The following KCTD14 variants were observed in gnomAD, a reference collection of about 807,000 sequenced individuals.
The protein encoded by KCTD14 is potassium channel tetramerization domain containing 14, also known as BTB/POZ domain-containing protein KCTD14.
A neutral mutation model predicts 5.9 loss-of-function variants in KCTD14; 7 were observed. The observed-to-expected ratio is 1.19, with a 90% CI of 0.68 to 2.23. The LOEUF (loss-of-function observed/expected upper bound fraction) is 2.23. Ranked by LOEUF, KCTD14 falls within the 30% of genes most tolerant of loss-of-function variation. KCTD14 has a pLI of 0.00. For missense variants in KCTD14, 342 were observed against 332.2 expected, an observed-to-expected ratio of 1.03 and a Z score of -0.23; for synonymous variants, 140 against 133.1, an observed-to-expected ratio of 1.05 and a Z score of -0.36.
chr11:78,023,112 A>C (rs759091101), intron 1 of KCTD14, 48 bp downstream of exon 1: 3 of 1,256,162 alleles, frequency 2.4e-6, no homozygotes, highest in Non-Finnish European at 3.3e-6. Flanking sequence ...AGGCGGAGGG[A>C]AGAGGCGGAG....
intron 2 of KCTD14, among the ~76,000 whole-genome samples, chr11:78,031,596 C>T (rs1857618581): frequency 6.6e-6 from 1 of 151,718 alleles, no homozygotes; most frequent in African/African-American, 2.4e-5. Context: ...CCATGTTGGC[C>T]AGGTTGGTCT....
intron 1 of KCTD14, among the ~76,000 whole-genome samples, chr11:78,019,013 A>G (rs908354626): frequency 2.7e-5 from 4 of 149,072 alleles, no homozygotes; most frequent in Non-Finnish European, 5.9e-5. Flanking sequence ...TTAAAAATGG[A>G]ATTTTTTCTT....
intron 2 of KCTD14, among the ~76,000 whole-genome samples, chr11:78,031,726 T>A (rs932473330): frequency 2.0e-5 from 3 of 152,182 alleles, no homozygotes; most frequent in Non-Finnish European, 2.9e-5. Flanking sequence ...CATATTTGCC[T>A]ACTGTGTGTC....
chr11:78,037,457 T>C (rs1042941284), intron 2 of KCTD14, among the ~76,000 whole-genome samples: 1 of 152,278 alleles, frequency 6.6e-6, no homozygotes, highest in Middle Eastern at 3.4e-3. Context: ...TCCTGAGCCC[T>C]GTGAGTAGGC....
Position 78,016,289 on chromosome 11 carries a change from C to A in KCTD14, c.*304G>T. The A allele has an allele frequency of 2.5e-6, 1 of 407,158 alleles. No individual in the cohort carries two copies. The highest frequency in any genetic ancestry group is 4.5e-6 in the Non-Finnish European group (1 of 224,488). The allele number at this position is 407,158 out of a possible 1,614,324, so 25.2% of individuals were successfully genotyped here. A position where few individuals can be genotyped will look rare whatever the true frequency, so the allele number is the denominator to read the frequency against. On this transcript the variant is annotated 3_prime_UTR_variant, in exon 2 of 2. Transcript: ENST00000353172. Reference sequence around the variant, plus strand: ...CTTGTATGTTCCTGTTGTCATCTCACATCTCTTGCCAACGCATTGTTGAAA... The same window carrying A: ...CTTGTATGTTCCTGTTGTCATCTCAAATCTCTTGCCAACGCATTGTTGAAA...
At chr11:78,040,379 C>T (rs1367884207) in intron 1 of KCTD14, among the ~76,000 whole-genome samples, 3 of 151,814 alleles carry the variant, frequency 2.0e-5, no homozygotes, top group Non-Finnish European at 4.4e-5. Context: ...TCTGTTTCCT[C>T]TTTCTCCCTC....
intron 2 of KCTD14, among the ~76,000 whole-genome samples, chr11:78,031,679 C>T (rs969230434): frequency 6.6e-6 from 1 of 152,176 alleles, no homozygotes; most frequent in African/African-American, 2.4e-5. Flanking sequence ...TGAGCCACAG[C>T]ACCCAGCCCG....
upstream of KCTD14, among the ~76,000 whole-genome samples, chr11:78,024,583 T>C (rs1329944258): frequency 1.3e-5 from 2 of 151,898 alleles, no homozygotes; most frequent in African/African-American, 4.8e-5. Flanking sequence ...ATGTTAAGTT[T>C]CGTTTCTGTC....
At position 78,016,726 on chromosome 11, in the gene KCTD14, T is replaced by G. The variant is rs371557115; in HGVS notation, c.635A>C (p.Asp212Ala). 2.5e-6 allele frequency: 4 copies of G among 1,614,040 alleles called. No homozygotes were observed. The highest frequency in any genetic ancestry group is 3.4e-6 in the Non-Finnish European group (4 of 1,180,032). ...GTCCATCTCCAGGCAGTGCATGAGG[T>G]CGCTGTTGTCTAGGACCGCCTTCCA... ...GPWKAVLDNS[D>A]LMHCLEMDIK... Residue 212 changes from aspartate to alanine, a missense_variant, in exon 2 of 2, where the codon GAC becomes GCC. Asp to Ala is a moderately radical substitution (Grantham distance 126). Transcript: ENST00000353172.
rs11237362 is a variant in KCTD14 at position 78,023,163 on chromosome 11, T to C, written c.87A>G (p.Pro29=). The C allele has an allele frequency of 0.79, 1,248,696 of 1,583,222 alleles. 496,182 individuals are homozygous for C. The highest frequency in any genetic ancestry group is 0.81 in the Non-Finnish European group (942,566 of 1,166,178). The part of the protein sequence containing the change: ...PLPQSPRPRR[P]TMSTVVELNV... Reference sequence around the variant, plus strand: ...ACGCAGCTAGCCTCGCACTTACCGTTGGCCGCCTGGGCCGGGGGGACTGGG... The same window carrying C: ...ACGCAGCTAGCCTCGCACTTACCGTCGGCCGCCTGGGCCGGGGGGACTGGG... Residue 29 remains proline, a synonymous_variant, in exon 1 of 2, where the codon CCA becomes CCG. Transcript: ENST00000353172.
rs1160378197 is a variant in KCTD14 at position 78,016,267 on chromosome 11, G to C, written c.*326C>G. On this transcript the variant is annotated 3_prime_UTR_variant, in exon 2 of 2. Coordinates refer to ENST00000353172, the MANE Select transcript of KCTD14 (RefSeq NM_023930.4). ...AGAACATCTAGATTCACAGTATCTTGTATGTTCCTGTTGTCATCTCACATC... is the reference window on the plus strand; with the variant it reads ...AGAACATCTAGATTCACAGTATCTTCTATGTTCCTGTTGTCATCTCACATC... 2.9e-6 allele frequency: 1 copy of C among 349,526 alleles called. No homozygotes were observed. The highest frequency in any genetic ancestry group is 5.3e-6 in the Non-Finnish European group (1 of 189,420). 21.7% of individuals were successfully genotyped at this position (349,526 alleles called of 1,614,324 possible).
At position 78,015,956 on chromosome 11, in the gene KCTD14, A is replaced by C. The variant is rs1023861329; in HGVS notation, c.*637T>G. On this transcript the variant is annotated 3_prime_UTR_variant, in exon 2 of 2. Coordinates refer to ENST00000353172, the MANE Select transcript of KCTD14 (RefSeq NM_023930.4). ...GGTCTCAAAATTAGAATACATCAAA[A>C]TCACTTGGAGGGTTTGGTAAATCAG... The C allele has an allele frequency of 6.6e-6, 1 of 152,272 alleles. No homozygotes were observed. The highest frequency in any genetic ancestry group is 1.5e-5 in the Non-Finnish European group (1 of 68,088). The allele number at this position is 152,272 out of a possible 1,614,324, so 9.4% of individuals were successfully genotyped here.
chr11:78,036,842 C>T (rs1287420905), intron 2 of KCTD14, among the ~76,000 whole-genome samples: 1 of 152,248 alleles, frequency 6.6e-6, no homozygotes, highest in Non-Finnish European at 1.5e-5. Context: ...GTGGCTGCTA[C>T]ATGCTAGGCC....
chr11:78,027,026 G>T (rs372155644), upstream of KCTD14, among the ~76,000 whole-genome samples: 93 of 152,202 alleles, frequency 6.1e-4, no homozygotes, highest in Middle Eastern at 0.014. Flanking sequence ...TTGAACCTGG[G>T]AGGTGGAGGT....
At chr11:78,037,622 C>A (rs1456563109) in intron 2 of KCTD14, among the ~76,000 whole-genome samples, 1 of 152,168 alleles carries the variant, frequency 6.6e-6, no homozygotes. Context: ...TGCCTCCAGC[C>A]AGCCTGGCCA....
intron 1 of KCTD14, among the ~76,000 whole-genome samples, chr11:78,043,349 T>C (rs1374518415): frequency 6.6e-6 from 1 of 152,222 alleles, no homozygotes; most frequent in East Asian, 1.9e-4. Flanking sequence ...TGCTATGGAA[T>C]AACTGTCATC....
At chr11:78,037,211 A>G (rs1857830951) in intron 2 of KCTD14, among the ~76,000 whole-genome samples, 2 of 152,110 alleles carry the variant, frequency 1.3e-5, no homozygotes, top group South Asian at 4.2e-4. Flanking sequence ...GCCTGCTGCA[A>G]CCACTCCCCC....
intron 1 of KCTD14, chr11:78,038,884 C>T (rs1857900389): frequency 8.8e-7 from 1 of 1,139,740 alleles, no homozygotes; most frequent in Admixed American, 2.3e-5. Context: ...GCTACTGCTG[C>T]TGTGGTCACG....
Position 78,017,164 on chromosome 11 carries a change from A to G in KCTD14, c.197T>C (p.Leu66Ser). The G allele has an allele frequency of 6.2e-7, 1 of 1,614,088 alleles. No homozygotes were observed. Among genetic ancestry groups the G allele is most frequent in the Non-Finnish European group, 8.5e-7 (1 of 1,179,986 alleles). Reference protein sequence around the residue: ...GSKLAEMFSSLAKASTDAEGR... With the variant: ...GSKLAEMFSSSAKASTDAEGR... ...CTCCGCGTCCGTGGAGGCCTTGGCT[A>G]AGCTAGAGAACATCTCTGCCAGCTT... The change falls in exon 2 of 2, where the codon TTA becomes TCA. Residue 66 changes from leucine (L) to serine (S), a missense_variant. By Grantham distance (145) the Leu-to-Ser change is moderately radical. Coordinates refer to ENST00000353172, the MANE Select transcript of KCTD14 (RefSeq NM_023930.4).
Sources: allele counts gnomAD v4.1 joint callset (sites outside exome capture counted in the v4.1 genomes callset), GRCh38; gene constraint gnomAD v4.1.1; transcripts MANE v1.5; gene names NCBI Gene and HGNC (gene_info 2026-07-23, HGNC 2026-07-21).